The following CA10 variants were observed in gnomAD, a reference collection of about 807,000 sequenced individuals.
CA10 encodes carbonic anhydrase-related protein 10.
CA10 carries 14 observed loss-of-function variants against 44.2 expected under a neutral mutation model. The observed-to-expected ratio is 0.32, with a 90% CI of 0.21 to 0.50. The LOEUF (loss-of-function observed/expected upper bound fraction) is 0.50, where lower values mean the gene tolerates loss of function less well. CA10 is among the 20% of genes least tolerant of loss of function. CA10 has a pLI of 0.99. For missense variants in CA10, 350 were observed against 409.7 expected (o/e 0.85, Z 1.26); for synonymous variants, 159 against 141.6 (o/e 1.12, Z -0.87).
intron 4 of CA10, among the ~76,000 whole-genome samples, chr17:51,668,848 G>A (rs937710476): frequency 1.3e-5 from 2 of 152,196 alleles, no homozygotes; most frequent in South Asian, 2.1e-4. Context: ...CGTGGGCTCA[G>A]CGCGCCCACA....
chr17:51,887,841 T>C (rs970063012), intron 3 of CA10, among the ~76,000 whole-genome samples: 2 of 65,444 alleles, frequency 3.1e-5, no homozygotes, highest in African/African-American at 1.3e-4. Context: ...CTACTAAAAA[T>C]ACAAAAAAAA....
chr17:52,102,900 T>G (rs1175013502), intron 1 of CA10, among the ~76,000 whole-genome samples: 1 of 152,192 alleles, frequency 6.6e-6, no homozygotes, highest in Non-Finnish European at 1.5e-5. Flanking sequence ...CCACATATAT[T>G]CTTATGTACC....
intron 3 of CA10, among the ~76,000 whole-genome samples, chr17:51,891,602 G>T (rs562319439): frequency 1.3e-5 from 2 of 152,368 alleles, no homozygotes; most frequent in East Asian, 3.9e-4. Context: ...TAAGAATGCA[G>T]CCAGCTGCAA....
At chr17:51,730,844 A>G (rs947418917) in intron 4 of CA10, among the ~76,000 whole-genome samples, 2 of 152,138 alleles carry the variant, frequency 1.3e-5, no homozygotes, top group African/African-American at 4.8e-5. Flanking sequence ...TAAATATTCA[A>G]AAGGTTTTTG....
chr17:51,709,651 A>T (rs1915868854), intron 4 of CA10, among the ~76,000 whole-genome samples: 1 of 152,272 alleles, frequency 6.6e-6, no homozygotes, highest in African/African-American at 2.4e-5. Flanking sequence ...AACTTACTAG[A>T]CAGAATAGCA....
At position 51,631,265 on chromosome 17, in the gene CA10, A is replaced by AC; in HGVS notation, c.*318dup. ...GGTTAACTGGTTATTTTCTTCTAAG[A>AC]CCTCTTATGAATGAGACTTTTGTTT... On this transcript the variant is annotated 3_prime_UTR_variant, in exon 9 of 9. Transcript: ENST00000451037. The AC allele has an allele frequency of 3.1e-6, 1 of 318,424 alleles. No homozygotes were observed. The highest frequency in any genetic ancestry group is 5.8e-6 in the Non-Finnish European group (1 of 172,726). 19.7% of individuals were successfully genotyped at this position (318,424 alleles called of 1,614,324 possible). A position where few individuals can be genotyped will look rare whatever the true frequency, so the allele number is the denominator to read the frequency against.
intron 4 of CA10, among the ~76,000 whole-genome samples, chr17:51,744,614 CTAAATAAA>C (rs1208908622): frequency 6.6e-6 from 1 of 151,960 alleles, no homozygotes; most frequent in Non-Finnish European, 1.5e-5. Context: ...CCCTTTCTCT[CTAAATAAA>C]TAAATAAATA....
chr17:51,782,261 T>C (rs946461912), intron 3 of CA10, among the ~76,000 whole-genome samples: 3 of 152,196 alleles, frequency 2.0e-5, no homozygotes, highest in Non-Finnish European at 4.4e-5. Context: ...ATGGGAAAAA[T>C]GAAAATATTT....
chr17:51,640,464 CTCT>C (rs1324664365), intron 6 of CA10, among the ~76,000 whole-genome samples: 2 of 152,178 alleles, frequency 1.3e-5, no homozygotes, highest in African/African-American at 4.8e-5. Flanking sequence ...CCAAAGACTC[CTCT>C]ACCTTCATAT....
intron 3 of CA10, among the ~76,000 whole-genome samples, chr17:51,880,966 G>T (rs1357537672): frequency 0.017 from 2 of 118 alleles, no homozygotes; most frequent in East Asian, 0.25. Context: ...GCCGGGCGCG[G>T]GTGGCTCACG....
chr17:52,086,811 A>G (rs1988127877), intron 1 of CA10, among the ~76,000 whole-genome samples: 2 of 152,200 alleles, frequency 1.3e-5, no homozygotes, highest in East Asian at 1.9e-4. Context: ...GGTCTCAAAG[A>G]TGTCCCAGTT....
chr17:51,810,795 G>A (rs922116284), intron 3 of CA10, among the ~76,000 whole-genome samples: 1 of 152,172 alleles, frequency 6.6e-6, no homozygotes, highest in African/African-American at 2.4e-5. Context: ...CAGGAGCTGG[G>A]CTGGGACTAT....
chr17:52,049,539 A>T (rs1206043564), intron 2 of CA10, among the ~76,000 whole-genome samples: 1 of 152,136 alleles, frequency 6.6e-6, no homozygotes, highest in Non-Finnish European at 1.5e-5. Flanking sequence ...GTGAGTTGCC[A>T]TTGTGGGTGA....
chr17:52,080,513 T>C (rs748838635), intron 1 of CA10, among the ~76,000 whole-genome samples: 1 of 151,200 alleles, frequency 6.6e-6, no homozygotes, highest in African/African-American at 2.4e-5. Context: ...TTAAAATAAA[T>C]AGAGAGAAGC....
chr17:51,905,283 C>T lies in CA10; in HGVS notation c.279+25707G>A, dbSNP rs1981496833. Among the ~76,000 whole-genome samples the T allele has an allele frequency of 2.6e-5, 4 of 152,144 alleles. No individual in the cohort carries two copies. In the South Asian group the frequency reaches 8.3e-4, roughly 32 times the overall value. On this transcript the variant is annotated intron_variant, in intron 3 of 8. Coordinates refer to ENST00000451037, the MANE Select transcript of CA10 (RefSeq NM_020178.5). ...GGAGTCTTTGCGCAAAAGGTTTGCA[C>T]TGCCTCAGGTGGAGTTAATTCTCCC...
chr17:51,930,874 G>A, intron 3 of CA10, 116 bp downstream of exon 3: 3 of 1,198,262 alleles, frequency 2.5e-6, no homozygotes, highest in Non-Finnish European at 3.6e-6. Flanking sequence ...TGAAGTCTGT[G>A]GTATTCCTAG....
intron 4 of CA10, among the ~76,000 whole-genome samples, chr17:51,724,981 G>C (rs1916467434): frequency 6.6e-6 from 1 of 152,174 alleles, no homozygotes; most frequent in African/African-American, 2.4e-5. Flanking sequence ...GCAGTTTTAT[G>C]GTCCTCAACA....
At chr17:52,031,633 TAG>T (rs1280720741) in intron 2 of CA10, among the ~76,000 whole-genome samples, 22 of 152,214 alleles carry the variant, frequency 1.4e-4, no homozygotes, top group Non-Finnish European at 3.1e-4. Context: ...CATTTTCTAG[TAG>T]AGTTTCCCAA....
At chr17:51,902,890 T>C (rs542553973) in intron 3 of CA10, among the ~76,000 whole-genome samples, 3 of 152,242 alleles carry the variant, frequency 2.0e-5, no homozygotes, top group African/African-American at 7.2e-5. Flanking sequence ...AATCTAGAAG[T>C]ATAACACAAT....
Sources: gnomAD v4.1 joint callset for allele counts (sites outside exome capture counted in the v4.1 genomes callset) on GRCh38, gnomAD v4.1.1 for gene constraint, MANE v1.5 for transcripts, NCBI Gene and HGNC (gene_info 2026-07-23, HGNC 2026-07-21) for gene names.